Variants in MYO19 observed in about 807,000 individuals in gnomAD.
The protein encoded by MYO19 is unconventional myosin-XIX.
MYO19 carries 132 observed loss-of-function variants against 129.2 expected under a neutral mutation model. The observed-to-expected ratio is 1.02, with a 90% CI of 0.89 to 1.18. The LOEUF is 1.18. Ranked by LOEUF, MYO19 falls within the 50% of genes most tolerant of loss-of-function variation. The pLI is 0.00. For missense variants in MYO19, 1,210 were observed against 1,216.7 expected, an observed-to-expected ratio of 0.99 and a Z score of 0.08; for synonymous variants, 531 against 477.2, an observed-to-expected ratio of 1.11 and a Z score of -1.47.
intron 6 of MYO19, among the ~76,000 whole-genome samples, chr17:36,517,735 C>T (rs1036340834): frequency 1.3e-5 from 2 of 152,144 alleles, no homozygotes; most frequent in African/African-American, 2.4e-5. Flanking sequence ...TATTTTGAAG[C>T]CCTCACTCCC....
chr17:36,502,964 C>T, intron 21 of MYO19, 133 bp downstream of exon 21: 1 of 730,932 alleles, frequency 1.4e-6, no homozygotes, highest in Non-Finnish European at 2.4e-6. Flanking sequence ...GAATCTGTTT[C>T]CCCCACTGAA....
intron 19 of MYO19, chr17:36,505,084 T>G: frequency 1.3e-6 from 1 of 750,174 alleles, no homozygotes; most frequent in Non-Finnish European, 2.5e-6. Context: ...GCACTGGAAC[T>G]TGCCTCCCTG....
intron 12 of MYO19, 58 bp from the exon 13 acceptor site, chr17:36,510,975 G>A (rs977037243): frequency 1.4e-5 from 21 of 1,505,618 alleles, no homozygotes; most frequent in Admixed American, 2.0e-5. Flanking sequence ...TCTTCACGAG[G>A]CACTGTGAAG....
In MYO19 at chr17:36,527,417, G is replaced by A. The variant is rs1205656192; in HGVS notation, c.300+134C>T. The A allele has an allele frequency of 5.2e-6, 5 of 966,500 alleles. No homozygotes were observed. The African/African-American group carries it at 8.2e-5, about 16-fold the overall frequency. 59.9% of individuals were successfully genotyped at this position (966,500 alleles called of 1,614,324 possible). A position where few individuals can be genotyped will look rare whatever the true frequency, so the allele number is the denominator to read the frequency against. On this transcript the variant is annotated intron_variant, in intron 5 of 25. Coordinates refer to ENST00000614623, the MANE Select transcript of MYO19 (RefSeq NM_001163735.2). Reference sequence around the variant, plus strand: ...TTCAAAATTCTGCCAGCTCCTATTGGGCAGGCCGTGGCACTAGCAGACTCT... The same window carrying A: ...TTCAAAATTCTGCCAGCTCCTATTGAGCAGGCCGTGGCACTAGCAGACTCT...
Position 36,507,111 on chromosome 17 carries a change from G to A in MYO19, c.1496C>T (p.Ala499Val). The change falls in exon 17 of 26, where the codon GCA becomes GTA. Residue 499 changes from alanine (A) to valine (V), a missense_variant. By Grantham distance (64) the Ala-to-Val change is moderately conservative. Transcript: ENST00000614623. ...CTCAATGCGTGTCTGGAGCTGGGCTGCGCTGCTGGGTCGATTGAGGCGGCA... is the reference window on the plus strand; with the variant it reads ...CTCAATGCGTGTCTGGAGCTGGGCTACGCTGCTGGGTCGATTGAGGCGGCA... ...EECRLNRPSS[A>V]AQLQTRIETA... The A allele has an allele frequency of 6.2e-7, 1 of 1,609,614 alleles. No individual in the cohort carries two copies. The highest frequency in any genetic ancestry group is 8.5e-7 in the Non-Finnish European group (1 of 1,176,606).
chr17:36,505,396 C>T lies in MYO19; in HGVS notation c.1806G>A (p.Leu602=), dbSNP rs781655038. The part of the protein sequence containing the change: ...LTVVSKFKAS[L]EQLLQVLHST... ...TGTGTAGGACCTGCAGAAGCTGCTC[C>T]AGTGAGGCCTGCAGATGAGAGACCA... Residue 602 remains leucine, a synonymous_variant, in exon 19 of 26, where the codon CTG becomes CTA. Coordinates refer to ENST00000614623, the MANE Select transcript of MYO19 (RefSeq NM_001163735.2). 1.4e-5 allele frequency: 23 copies of T among 1,613,962 alleles called. No homozygotes were observed. In the East Asian group the frequency reaches 2.9e-4, roughly 20 times the overall value.
intron 18 of MYO19, among the ~76,000 whole-genome samples, chr17:36,506,170 T>G (rs972176381): frequency 6.6e-6 from 1 of 152,022 alleles, no homozygotes; most frequent in Non-Finnish European, 1.5e-5. Flanking sequence ...TCAAAGAAGC[T>G]CATGTAGCTG....
At chr17:36,518,550 ATATGTG>A (rs1555581834) in intron 6 of MYO19, among the ~76,000 whole-genome samples, 62 of 99,708 alleles carry the variant, frequency 6.2e-4, no homozygotes, top group African/African-American at 2.2e-3. Flanking sequence ...ATATATATAT[ATATGTG>A]TATGTGTATA....
intron 2 of MYO19, among the ~76,000 whole-genome samples, chr17:36,540,934 A>G (rs2074194297): frequency 6.6e-6 from 1 of 152,210 alleles, no homozygotes; most frequent in Admixed American, 6.5e-5. Context: ...TAAGAAGAAC[A>G]TAATCTGTCC....
intron 3 of MYO19, among the ~76,000 whole-genome samples, chr17:36,531,873 G>T (rs537390324): frequency 2.6e-5 from 4 of 152,210 alleles, no homozygotes; most frequent in Admixed American, 2.6e-4. Context: ...GGCAACACTT[G>T]GTAAAATAAA....
At chr17:36,519,031 A>G (rs2072983468) in intron 6 of MYO19, among the ~76,000 whole-genome samples, 1 of 152,084 alleles carries the variant, frequency 6.6e-6, no homozygotes, top group Non-Finnish European at 1.5e-5. Context: ...GTAAACTGGG[A>G]CTACAGGCAC....
At chr17:36,521,798 C>T (rs1339713584) in intron 6 of MYO19, among the ~76,000 whole-genome samples, 1 of 151,848 alleles carries the variant, frequency 6.6e-6, no homozygotes, top group Non-Finnish European at 1.5e-5. Context: ...TTTGGGAGGC[C>T]GGGGAGGGTG....
chr17:36,535,666 T>C (rs952322316), upstream of MYO19: 8 of 152,416 alleles, frequency 5.2e-5, no homozygotes, highest in African/African-American at 1.9e-4. Flanking sequence ...TTTTTATGTT[T>C]ATTTTTTAAG....
chr17:36,498,229 AG>A, intron 25 of MYO19, 36 bp downstream of exon 25: 2 of 1,586,158 alleles, frequency 1.3e-6, no homozygotes, highest in South Asian at 1.1e-5. Context: ...TGCTGTTCTC[AG>A]GAACAAAGCT....
At chr17:36,539,894 T>G (rs1176921638), upstream of MYO19, among the ~76,000 whole-genome samples, 2 of 152,048 alleles carry the variant, frequency 1.3e-5, no homozygotes, top group African/African-American at 4.8e-5. Context: ...CACAGATTTT[T>G]TTTTTTTTTT....
chr17:36,538,089 C>T (rs777970606), upstream of MYO19: 7 of 1,614,134 alleles, frequency 4.3e-6, no homozygotes, highest in South Asian at 2.2e-5. Context: ...GCATAAGAAC[C>T]GATCACATAT....
chr17:36,518,548 A>G (rs1340406059), intron 6 of MYO19, among the ~76,000 whole-genome samples: 1 of 108,122 alleles, frequency 9.2e-6, no homozygotes, highest in African/African-American at 3.7e-5. Flanking sequence ...ATATATATAT[A>G]TATATGTGTA....
At chr17:36,514,371 G>C in intron 9 of MYO19, 75 bp downstream of exon 9, 1 of 938,406 alleles carries the variant, frequency 1.1e-6, no homozygotes, top group Non-Finnish European at 1.8e-6. Context: ...GAGCATTCTG[G>C]GGAGTGGGGG....
At chr17:36,522,028 T>A (rs55767700) in intron 6 of MYO19, among the ~76,000 whole-genome samples, 14,136 of 115,126 alleles carry the variant, frequency 0.12, 1,821 homozygotes, top group African/African-American at 0.3. Flanking sequence ...AGACTGTCTT[T>A]AAAAAAAAAA....
Sources: allele counts gnomAD v4.1 joint callset (sites outside exome capture counted in the v4.1 genomes callset), GRCh38; gene constraint gnomAD v4.1.1; transcripts MANE v1.5; gene names NCBI Gene and HGNC (gene_info 2026-07-23, HGNC 2026-07-21).